The following NTSR1 variants were observed in gnomAD, a reference collection of about 807,000 sequenced individuals.
NTSR1 encodes neurotensin receptor 1.
A neutral mutation model predicts 31.2 loss-of-function variants in NTSR1; 29 were observed. The observed-to-expected ratio is 0.93, with a 90% CI of 0.69 to 1.27. The LOEUF (loss-of-function observed/expected upper bound fraction) is 1.27, where lower values mean the gene tolerates loss of function less well. Among genes scored for constraint, NTSR1 ranks in the 50% most tolerant of loss-of-function variants. The pLI is 0.00. For missense variants in NTSR1, 697 were observed against 595.4 expected (o/e 1.17, Z -1.78); for synonymous variants, 282 against 269.9 (o/e 1.04, Z -0.44).
intron 3 of NTSR1, 48 bp from the exon 4 acceptor site, chr20:62,759,970 G>C (rs767927301): frequency 6.3e-7 from 1 of 1,597,584 alleles, no homozygotes; most frequent in East Asian, 2.2e-5. Context: ...CTGCCTTGGG[G>C]CCCTCAAGAG....
At chr20:62,722,769 G>T (rs944178006) in intron 1 of NTSR1, among the ~76,000 whole-genome samples, 2 of 152,342 alleles carry the variant, frequency 1.3e-5, no homozygotes, top group African/African-American at 4.8e-5. Context: ...GAAAACAACT[G>T]CCTGATACAT....
chr20:62,734,678 A>C (rs975760037), intron 1 of NTSR1, among the ~76,000 whole-genome samples: 1 of 152,212 alleles, frequency 6.6e-6, no homozygotes, highest in Non-Finnish European at 1.5e-5. Flanking sequence ...GCATTGAGAC[A>C]TGGCTGGTCT....
At position 62,736,347 on chromosome 20, in the gene NTSR1, A is replaced by G. The variant is rs118122337; in HGVS notation, c.715-18338A>G. Among the ~76,000 whole-genome samples, 1,304 of 152,308 alleles carry G rather than the reference A, an allele frequency of 8.6e-3. 55 individuals carry two copies. The East Asian group carries it at 0.11, about 13-fold the overall frequency. ...CCCACTCTCTGTACCCTCAGGCGCA[A>G]TGCCCTGAAAGACAGGCGCCACTTT... On this transcript the variant is annotated intron_variant, in intron 1 of 3. Transcript: ENST00000370501.
chr20:62,751,240 T>C (rs1453925850), intron 1 of NTSR1, among the ~76,000 whole-genome samples: 1 of 152,230 alleles, frequency 6.6e-6, no homozygotes, highest in Non-Finnish European at 1.5e-5. Flanking sequence ...GTTAAAAATA[T>C]ATACATTTAA....
At chr20:62,718,198 C>T (rs1427233367) in intron 1 of NTSR1, among the ~76,000 whole-genome samples, 2 of 152,028 alleles carry the variant, frequency 1.3e-5, no homozygotes, top group Admixed American at 1.3e-4. Context: ...AGTGAGTGGG[C>T]GTGGGAGATT....
At chr20:62,740,227 A>G (rs1384053616) in intron 1 of NTSR1, among the ~76,000 whole-genome samples, 1 of 152,276 alleles carries the variant, frequency 6.6e-6, no homozygotes, top group African/African-American at 2.4e-5. Context: ...TTAGAAAAGT[A>G]TGAACGAAAG....
At chr20:62,736,811 A>G (rs73918661) in intron 1 of NTSR1, among the ~76,000 whole-genome samples, 2 of 152,174 alleles carry the variant, frequency 1.3e-5, no homozygotes, top group Admixed American at 6.5e-5. Flanking sequence ...TGTAATCCCC[A>G]TAATGCCCCG....
intron 1 of NTSR1, among the ~76,000 whole-genome samples, chr20:62,731,371 A>G (rs1005371250): frequency 6.6e-6 from 1 of 152,340 alleles, no homozygotes; most frequent in Non-Finnish European, 1.5e-5. Flanking sequence ...AGTGTGAGCC[A>G]CCACGCCCAG....
chr20:62,760,359 G>A lies in NTSR1; in HGVS notation c.*92G>A. On this transcript the variant is annotated 3_prime_UTR_variant, in exon 4 of 4. Coordinates refer to ENST00000370501, the MANE Select transcript of NTSR1 (RefSeq NM_002531.3). ...AGCCCCCACCCGGGAGCCTTGATGGGGGTCAGGCAGAGGCCAGCCTGCACT... is the reference window on the plus strand; with the variant it reads ...AGCCCCCACCCGGGAGCCTTGATGGAGGTCAGGCAGAGGCCAGCCTGCACT... 4 of 1,453,948 alleles carry A rather than the reference G, an allele frequency of 2.8e-6. No homozygotes were observed. Among genetic ancestry groups the A allele is most frequent in the East Asian group, 4.7e-5 (2 of 42,288 alleles). The allele number at this position is 1,453,948 out of a possible 1,614,324, so 90.1% of individuals were successfully genotyped here. A position where few individuals can be genotyped will look rare whatever the true frequency, so the allele number is the denominator to read the frequency against.
In NTSR1 at chr20:62,741,043, G is replaced by A. The variant is rs73918670; in HGVS notation, c.715-13642G>A. On this transcript the variant is annotated intron_variant, in intron 1 of 3. Transcript: ENST00000370501. This position sits in a 1 kb window ranked among gnomAD's most constrained non-coding sequence, Gnocchi z 4.3. ...CTCAGCGAGGGGAGGGCCGTTCCCGGGGCTGAGGGCCAGGGGCCTCCCCTC... is the reference window on the plus strand; with the variant it reads ...CTCAGCGAGGGGAGGGCCGTTCCCGAGGCTGAGGGCCAGGGGCCTCCCCTC... Among the ~76,000 whole-genome samples, 3,272 of 152,324 alleles carry A rather than the reference G, an allele frequency of 0.021. 117 individuals carry two copies. The highest frequency in any genetic ancestry group is 0.075 in the African/African-American group (3,098 of 41,574).
intron 2 of NTSR1, among the ~76,000 whole-genome samples, chr20:62,757,802 G>C (rs542904337): frequency 2.0e-4 from 31 of 152,026 alleles, no homozygotes; most frequent in Non-Finnish European, 3.2e-4. Flanking sequence ...CTCCCTCTCT[G>C]AGCCTGTGTC....
intron 1 of NTSR1, among the ~76,000 whole-genome samples, chr20:62,752,787 C>T (rs1448770317): frequency 2.6e-5 from 4 of 152,196 alleles, no homozygotes; most frequent in Non-Finnish European, 5.9e-5. Context: ...CCTGTCCCCG[C>T]TCCCAGCAGC....
At chr20:62,747,780 A>C (rs1420521134) in intron 1 of NTSR1, among the ~76,000 whole-genome samples, 5 of 151,586 alleles carry the variant, frequency 3.3e-5, no homozygotes, top group Admixed American at 6.6e-5. Context: ...ACAAAAAAAA[A>C]CTGTTAGCAC....
intron 1 of NTSR1, among the ~76,000 whole-genome samples, chr20:62,749,277 T>C (rs949835970): frequency 6.6e-6 from 1 of 152,050 alleles, no homozygotes; most frequent in African/African-American, 2.4e-5. Context: ...CCGTCTCTAC[T>C]AAAAATACAA....
chr20:62,713,062 G>T (rs1020827940), intron 1 of NTSR1, among the ~76,000 whole-genome samples: 3 of 152,138 alleles, frequency 2.0e-5, no homozygotes, highest in Admixed American at 6.5e-5. Flanking sequence ...CAGTTTTAGA[G>T]ACCCGCCCCT....
chr20:62,753,388 G>A (rs1989426416), intron 1 of NTSR1, among the ~76,000 whole-genome samples: 1 of 152,220 alleles, frequency 6.6e-6, no homozygotes, highest in South Asian at 2.1e-4. Flanking sequence ...GAGGCCATGT[G>A]GCTCTGCCCT....
intron 1 of NTSR1, among the ~76,000 whole-genome samples, chr20:62,718,785 T>C (rs1367614921): frequency 2.0e-5 from 3 of 152,246 alleles, no homozygotes; most frequent in Non-Finnish European, 2.9e-5. Context: ...ACTTCTGGGT[T>C]GTTTCTGGGT....
At chr20:62,718,789 T>G (rs1274639042) in intron 1 of NTSR1, among the ~76,000 whole-genome samples, 1 of 152,258 alleles carries the variant, frequency 6.6e-6, no homozygotes, top group African/African-American at 2.4e-5. Flanking sequence ...CTGGGTTGTT[T>G]CTGGGTTTGG....
chr20:62,719,106 TC>T (rs35098956), intron 1 of NTSR1, among the ~76,000 whole-genome samples: 56,594 of 142,210 alleles, frequency 0.4, 12,392 homozygotes, highest in East Asian at 0.73. Context: ...TTGCTTCCAG[TC>T]CCTTTTTTTT....
Sources: gnomAD v4.1 joint callset for allele counts (sites outside exome capture counted in the v4.1 genomes callset) on GRCh38, gnomAD v4.1.1 for gene constraint, Gnocchi (gnomAD v3.1) non-coding constraint, MANE v1.5 for transcripts, NCBI Gene and HGNC (gene_info 2026-07-23, HGNC 2026-07-21) for gene names.